Variants in SYN3 observed in about 807,000 individuals in gnomAD.
SYN3 encodes synapsin III.
SYN3 carries 35 observed loss-of-function variants against 65.8 expected under a neutral mutation model. That is an observed-to-expected ratio of 0.53 (90% CI 0.41 to 0.70). The LOEUF is 0.70. Ranked by LOEUF, SYN3 falls within the 30% of genes least tolerant of loss-of-function variation. The pLI is 0.00. For missense variants in SYN3, 680 were observed against 749.0 expected (o/e 0.91, Z 1.08); for synonymous variants, 270 against 292.9 (o/e 0.92, Z 0.80).
chr22:32,563,661 C>G (rs995116086), intron 7 of SYN3, among the ~76,000 whole-genome samples: 3 of 152,080 alleles, frequency 2.0e-5, no homozygotes, highest in African/African-American at 7.2e-5. Context: ...CTTGGACAAC[C>G]TGGAGCCCTG....
At chr22:32,750,709 T>C (rs571695962) in intron 6 of SYN3, among the ~76,000 whole-genome samples, 3 of 152,150 alleles carry the variant, frequency 2.0e-5, no homozygotes, top group African/African-American at 7.2e-5. Flanking sequence ...GGGTGAGAGA[T>C]GGTTGGATTC....
chr22:32,814,135 TGTGTGTGA>T (rs1228844718), intron 6 of SYN3, among the ~76,000 whole-genome samples: 56 of 72,100 alleles, frequency 7.8e-4, no homozygotes, highest in African/African-American at 2.6e-3. Context: ...TGTGTGTGTG[TGTGTGTGA>T]GAGAGAGAGA....
At chr22:32,671,145 C>G (rs893510040) in intron 6 of SYN3, among the ~76,000 whole-genome samples, 2 of 151,874 alleles carry the variant, frequency 1.3e-5, no homozygotes, top group African/African-American at 2.4e-5. Context: ...AGCTTTTTTT[C>G]GTTTACAGAG....
chr22:33,009,005 G>A (rs892455039), intron 1 of SYN3, among the ~76,000 whole-genome samples: 45 of 145,694 alleles, frequency 3.1e-4, no homozygotes, highest in Middle Eastern at 3.7e-3. Flanking sequence ...AAAGAAAATC[G>A]GAAATGTTTG....
At chr22:32,601,956 T>G (rs2059290683) in intron 6 of SYN3, among the ~76,000 whole-genome samples, 1 of 151,690 alleles carries the variant, frequency 6.6e-6, no homozygotes, top group African/African-American at 2.4e-5. Context: ...TTTTTTTTTT[T>G]TGTGACACTT....
chr22:32,580,366 C>T (rs897154628), intron 7 of SYN3, among the ~76,000 whole-genome samples: 1 of 152,204 alleles, frequency 6.6e-6, no homozygotes, highest in Admixed American at 6.5e-5. Flanking sequence ...TACTATACAG[C>T]AGGACATATT....
At chr22:32,975,836 T>C (rs2052168731) in intron 3 of SYN3, among the ~76,000 whole-genome samples, 1 of 152,244 alleles carries the variant, frequency 6.6e-6, no homozygotes, top group South Asian at 2.1e-4. Flanking sequence ...TATCAAGTAA[T>C]CATTTCCTAA....
At chr22:32,827,722 G>A (rs1220175051) in intron 6 of SYN3, among the ~76,000 whole-genome samples, 1 of 152,208 alleles carries the variant, frequency 6.6e-6, no homozygotes, top group Non-Finnish European at 1.5e-5. Flanking sequence ...AATTCCTCAA[G>A]AAGCTCTAGA....
intron 6 of SYN3, among the ~76,000 whole-genome samples, chr22:32,793,995 A>G (rs1398680045): frequency 6.6e-6 from 1 of 152,242 alleles, no homozygotes; most frequent in Non-Finnish European, 1.5e-5. Flanking sequence ...GTTGGGGAAG[A>G]GAAGGATGGA....
intron 6 of SYN3, among the ~76,000 whole-genome samples, chr22:32,625,563 T>G (rs1307887744): frequency 6.6e-6 from 1 of 152,222 alleles, no homozygotes; most frequent in Admixed American, 6.5e-5. Flanking sequence ...ATAGACCACT[T>G]TAGCATCCTT....
At chr22:33,028,661 G>GTGGTGGTGGTGGTGGTGGTGGTGGTGA (rs1569413383) in intron 1 of SYN3, among the ~76,000 whole-genome samples, 4 of 113,774 alleles carry the variant, frequency 3.5e-5, no homozygotes. Flanking sequence ...GGTGGTGGTG[G>GTGGTGGTGGTGGTGGTGGTGGTGGTGA]TGGTGGTGGT....
In SYN3 at chr22:32,830,611, C is replaced by T. The variant is rs117974162; in HGVS notation, c.711+34304G>A. 1.7e-4 allele frequency among the ~76,000 whole-genome samples: 26 copies of T among 152,238 alleles called. No homozygotes were observed. The East Asian group carries it at 4.6e-3, about 27-fold the overall frequency. ...GCACAGGCAGCTGGGAATAGATATG[C>T]GAGTTAAAGGAATTCTCGTTGGAAA... is the stretch of plus-strand genomic sequence containing the variant. On this transcript the variant is annotated intron_variant, in intron 6 of 13. Coordinates refer to ENST00000358763, the MANE Select transcript of SYN3 (RefSeq NM_003490.4).
intron 7 of SYN3, among the ~76,000 whole-genome samples, chr22:32,555,519 A>G (rs2058481854): frequency 6.6e-6 from 1 of 152,190 alleles, no homozygotes; most frequent in Admixed American, 6.5e-5. Flanking sequence ...TCCTGGTGTG[A>G]TGGCCGGGAC....
At chr22:33,053,492 G>A (rs2054204949) in intron 1 of SYN3, among the ~76,000 whole-genome samples, 1 of 152,134 alleles carries the variant, frequency 6.6e-6, no homozygotes, top group South Asian at 2.1e-4. Context: ...GTTGGGACCC[G>A]ACCTTGCTAC....
At chr22:32,664,584 CTTTTTTTTTTT>C (rs71320943) in intron 6 of SYN3, among the ~76,000 whole-genome samples, 3,788 of 69,102 alleles carry the variant, frequency 0.055, 97 homozygotes, top group South Asian at 0.079. Flanking sequence ...CAATTGGTCG[CTTTTTTTTTTT>C]TTTTTTTTTT....
intron 6 of SYN3, among the ~76,000 whole-genome samples, chr22:32,625,158 T>C (rs542998092): frequency 3.3e-5 from 5 of 152,340 alleles, no homozygotes; most frequent in South Asian, 2.1e-4. Flanking sequence ...TAACCTGGCA[T>C]GCACCTAGGT....
Position 32,965,936 on chromosome 22 carries a change from T to C in SYN3, c.369+14709A>G, listed in dbSNP as rs145594895. 5.6e-3 allele frequency among the ~76,000 whole-genome samples: 857 copies of C among 152,274 alleles called. 7 individuals carry two copies. Among genetic ancestry groups the C allele is most frequent in the African/African-American group, 0.019 (804 of 41,544 alleles). ...GTCTCGATCTCCTGACCTTGTGATC[T>C]GCCCGCCTTGGCCTCCCAAAGTGCT... is the stretch of plus-strand genomic sequence containing the variant. On this transcript the variant is annotated intron_variant, in intron 3 of 13. Transcript: ENST00000358763.
chr22:32,581,187 G>A (rs927980997), intron 7 of SYN3, among the ~76,000 whole-genome samples: 1 of 152,168 alleles, frequency 6.6e-6, no homozygotes, highest in South Asian at 2.1e-4. Flanking sequence ...TCGGCTCACT[G>A]CAACCTCTGC....
At chr22:32,946,895 A>G (rs13057252) in intron 3 of SYN3, among the ~76,000 whole-genome samples, 10 of 152,218 alleles carry the variant, frequency 6.6e-5, no homozygotes, top group South Asian at 4.1e-4. Flanking sequence ...AGGGCTATAT[A>G]TAGGCACAGA....
Sources: gnomAD v4.1 joint callset for allele counts (sites outside exome capture counted in the v4.1 genomes callset) on GRCh38, gnomAD v4.1.1 for gene constraint, MANE v1.5 for transcripts, NCBI Gene and HGNC (gene_info 2026-07-23, HGNC 2026-07-21) for gene names.